SCGB3A1: variants seen among roughly 807,000 people sequenced by gnomAD.
The protein encoded by SCGB3A1 is secretoglobin family 3A member 1.
In SCGB3A1, 7 loss-of-function variants were observed where a neutral mutation model predicts 7.6. The observed-to-expected ratio is 0.93, with a 90% CI of 0.53 to 1.74. The LOEUF (loss-of-function observed/expected upper bound fraction) is 1.74. SCGB3A1 is among the 40% of genes most tolerant of loss of function. SCGB3A1 has a pLI of 0.00. For missense variants in SCGB3A1, 119 were observed against 129.0 expected (o/e 0.92, Z 0.38); for synonymous variants, 67 against 66.6 (o/e 1.01, Z -0.03).
intron 1 of SCGB3A1, 98 bp downstream of exon 1, chr5:180,591,313 G>A: frequency 9.8e-7 from 1 of 1,019,514 alleles, no homozygotes; most frequent in South Asian, 5.0e-5. Flanking sequence ...GAGGCTGGAA[G>A]GACCTGGGAT....
chr5:180,590,339 G>C, intron 2 of SCGB3A1, 85 bp from the exon 3 acceptor site: 1 of 1,517,100 alleles, frequency 6.6e-7, no homozygotes, highest in Non-Finnish European at 8.9e-7. Flanking sequence ...GGCTCTGTGG[G>C]GAGCGGGAGC....
intron 1 of SCGB3A1, 118 bp from the exon 2 acceptor site, chr5:180,590,956 C>T (rs1181340309): frequency 4.2e-6 from 3 of 719,182 alleles, no homozygotes; most frequent in Non-Finnish European, 6.5e-6. Flanking sequence ...GCTCCCCGAC[C>T]GCCCCTCCCT....
intron 1 of SCGB3A1, chr5:180,591,128 A>G (rs990694150): frequency 9.4e-6 from 4 of 425,050 alleles, no homozygotes; most frequent in South Asian, 7.1e-5. Flanking sequence ...GGGAGGGGAC[A>G]CTCGCGCTGC....
Position 180,591,421 on chromosome 5 carries a change from G to A in SCGB3A1, c.42C>T (p.Ser14=). Residue 14 remains serine, a synonymous_variant, in exon 1 of 3, where the codon TCC becomes TCT. Coordinates refer to ENST00000292641, the MANE Select transcript of SCGB3A1 (RefSeq NM_052863.3). ...GCCCGGGGCGCTCACCGGAGCTGCA[G>A]GACAGGGCCACGCAGAGCCCCAGGA... ...AALLGLCVAL[S]CSSAAAFLVG... 8.1e-7 allele frequency: 1 copy of A among 1,227,176 alleles called. No homozygotes were observed. Among genetic ancestry groups the A allele is most frequent in the East Asian group, 3.2e-5 (1 of 31,354 alleles). The allele number at this position is 1,227,176 out of a possible 1,614,324, so 76.0% of individuals were successfully genotyped here.
At chr5:180,591,118 G>GGGA (rs1761307306) in intron 1 of SCGB3A1, 1 of 436,178 alleles carries the variant, frequency 2.3e-6, no homozygotes, top group Non-Finnish European at 4.0e-6. Flanking sequence ...AGGCCCCCAA[G>GGGA]GGAGGGGACA....
At chr5:180,590,487 G>A in intron 2 of SCGB3A1, 113 bp downstream of exon 2, 1 of 971,282 alleles carries the variant, frequency 1.0e-6, no homozygotes, top group Non-Finnish European at 1.5e-6. Flanking sequence ...AGGGCTTGGA[G>A]GGGCAGGACG....
At chr5:180,591,282 G>A (rs1000275961) in intron 1 of SCGB3A1, 129 bp downstream of exon 1, 31 of 754,638 alleles carry the variant, frequency 4.1e-5, no homozygotes, top group Non-Finnish European at 5.2e-5. Flanking sequence ...CCGGGGTGGC[G>A]GAGCCCTCTG....
chr5:180,590,936 G>A lies in SCGB3A1; in HGVS notation c.53-98C>T, dbSNP rs1161301162. The A allele has an allele frequency of 8.4e-6, 7 of 836,146 alleles. No homozygotes were observed. The Admixed American group carries it at 1.9e-4, about 22-fold the overall frequency. The allele number at this position is 836,146 out of a possible 1,614,324, so 51.8% of individuals were successfully genotyped here. A position where few individuals can be genotyped will look rare whatever the true frequency, so the allele number is the denominator to read the frequency against. On this transcript the variant is annotated intron_variant, in intron 1 of 2. Coordinates refer to ENST00000292641, the MANE Select transcript of SCGB3A1 (RefSeq NM_052863.3). ...GCGGGAGGCGCCCAGGAACCGTCGC[G>A]CCCTGCCCGGCTCCCCGACCGCCCC...
chr5:180,590,368 T>C, intron 2 of SCGB3A1, 114 bp from the exon 3 acceptor site: 1 of 1,394,176 alleles, frequency 7.2e-7, no homozygotes, highest in Admixed American at 2.2e-5. Context: ...TCCGCTGGCG[T>C]CTCCGGGGGA....
Position 180,590,169 on chromosome 5 carries a change from G to A in SCGB3A1, c.*62C>T. On this transcript the variant is annotated 3_prime_UTR_variant, in exon 3 of 3. Coordinates refer to ENST00000292641, the MANE Select transcript of SCGB3A1 (RefSeq NM_052863.3). ...GGATGGACGGTCCTCCCCGCGGCGG[G>A]GTTTTCAGCCCTCGCGGGTGGGCAG... 7.1e-6 allele frequency: 11 copies of A among 1,549,888 alleles called. No individual in the cohort carries two copies. The highest frequency in any genetic ancestry group is 8.8e-6 in the Non-Finnish European group (10 of 1,141,240).
At position 180,590,842 on chromosome 5, in the gene SCGB3A1, C is replaced by A. The variant is rs2127777500; in HGVS notation, c.53-4G>T. 1 of 1,601,702 alleles carries A rather than the reference C, an allele frequency of 6.2e-7. No homozygotes were observed. The highest frequency in any genetic ancestry group is 2.3e-5 in the East Asian group (1 of 44,284). On this transcript the variant is annotated splice_polypyrimidine_tract_variant and splice_region_variant and intron_variant, in intron 1 of 2. Coordinates refer to ENST00000292641, the MANE Select transcript of SCGB3A1 (RefSeq NM_052863.3). ...GAGCCCACTAAGAAAGCAGCAGCTG[C>A]AAGCGAACAGGGAGGGGTCACCGCC...
In SCGB3A1 at chr5:180,590,857, G is replaced by A; in HGVS notation, c.53-19C>T. On this transcript the variant is annotated intron_variant, in intron 1 of 2. Coordinates refer to ENST00000292641, the MANE Select transcript of SCGB3A1 (RefSeq NM_052863.3). ...GCAGCAGCTGCAAGCGAACAGGGAGGGGTCACCGCCTGCGCGCCGGGGTCC... is the reference window on the plus strand; with the variant it reads ...GCAGCAGCTGCAAGCGAACAGGGAGAGGTCACCGCCTGCGCGCCGGGGTCC... The A allele has an allele frequency of 6.3e-7, 1 of 1,582,312 alleles. No homozygotes were observed. Among genetic ancestry groups the A allele is most frequent in the East Asian group, 2.3e-5 (1 of 43,972 alleles).
chr5:180,591,327 C>G (rs1246382063), intron 1 of SCGB3A1, 84 bp downstream of exon 1: 1 of 1,096,772 alleles, frequency 9.1e-7, no homozygotes, highest in Non-Finnish European at 1.1e-6. Flanking sequence ...CTGGGATCCA[C>G]GATCGGCGCA....
chr5:180,590,566 C>T, intron 2 of SCGB3A1, 34 bp downstream of exon 2: 1 of 1,546,662 alleles, frequency 6.5e-7, no homozygotes, highest in Non-Finnish European at 8.8e-7. Context: ...AAGGGATGCC[C>T]GCGCAGGAAG....
At chr5:180,591,318 T>C in intron 1 of SCGB3A1, 93 bp downstream of exon 1, 1 of 1,050,214 alleles carries the variant, frequency 9.5e-7, no homozygotes, top group Non-Finnish European at 1.2e-6. Context: ...TGGAAGGACC[T>C]GGGATCCACG....
Position 180,590,163 on chromosome 5 carries a change from C to G in SCGB3A1, c.*68G>C, listed in dbSNP as rs1561677001. 1 of 1,533,200 alleles carries G rather than the reference C, an allele frequency of 6.5e-7. No homozygotes were observed. Among genetic ancestry groups the G allele is most frequent in the Non-Finnish European group, 8.9e-7 (1 of 1,127,050 alleles). 95.0% of individuals were successfully genotyped at this position (1,533,200 alleles called of 1,614,324 possible). A position where few individuals can be genotyped will look rare whatever the true frequency, so the allele number is the denominator to read the frequency against. ...GGAAGGGGATGGACGGTCCTCCCCG[C>G]GGCGGGGTTTTCAGCCCTCGCGGGT... On this transcript the variant is annotated 3_prime_UTR_variant, in exon 3 of 3. Coordinates refer to ENST00000292641, the MANE Select transcript of SCGB3A1 (RefSeq NM_052863.3).
At position 180,591,486 on chromosome 5, in the gene SCGB3A1, G is replaced by A. The variant is rs1416304057; in HGVS notation, c.-24C>T. On this transcript the variant is annotated 5_prime_UTR_variant, in exon 1 of 3. Transcript: ENST00000292641. ...ATGGCGCGGGGGCTCGGGGCGCGCG[G>A]GGAACCTGCGGCTGCCCGGGCAAGG... The A allele has an allele frequency of 1.6e-6, 2 of 1,227,558 alleles. No individual in the cohort carries two copies. The highest frequency in any genetic ancestry group is 4.2e-5 in the Admixed American group (1 of 23,548). The allele number at this position is 1,227,558 out of a possible 1,614,324, so 76.0% of individuals were successfully genotyped here.
In SCGB3A1 at chr5:180,591,403, G is replaced by T. The variant is rs1212136045; in HGVS notation, c.52+8C>A. On this transcript the variant is annotated splice_region_variant and intron_variant, in intron 1 of 2. Coordinates refer to ENST00000292641, the MANE Select transcript of SCGB3A1 (RefSeq NM_052863.3). ...CCACCGTGCGCGCCAGGAGCCCGGG[G>T]CGCTCACCGGAGCTGCAGGACAGGG... 8.2e-7 allele frequency: 1 copy of T among 1,225,454 alleles called. No individual in the cohort carries two copies. Among genetic ancestry groups the T allele is most frequent in the Non-Finnish European group, 1.0e-6 (1 of 983,900 alleles). The allele number at this position is 1,225,454 out of a possible 1,614,324, so 75.9% of individuals were successfully genotyped here.
At chr5:180,590,993 G>C (rs1020379034) in intron 1 of SCGB3A1, 155 bp from the exon 2 acceptor site, 69 of 581,224 alleles carry the variant, frequency 1.2e-4, no homozygotes, top group Admixed American at 3.0e-4. Flanking sequence ...CCAGGTGCGA[G>C]CCCCCGGGAC....
Sources: allele counts gnomAD v4.1 joint callset, GRCh38; gene constraint gnomAD v4.1.1; transcripts MANE v1.5; gene names NCBI Gene and HGNC (gene_info 2026-07-23, HGNC 2026-07-21).